The following PPARD variants were observed in gnomAD, a reference collection of about 807,000 sequenced individuals.
The protein encoded by PPARD is peroxisome proliferator-activated receptor delta.
Under a neutral mutation model 39.5 loss-of-function variants are expected in PPARD, and 6 were observed. The ratio of observed to expected loss-of-function variants is 0.15; its 90% CI spans 0.08 to 0.30. The LOEUF is 0.30. Ranked by LOEUF, PPARD falls within the 10% of genes least tolerant of loss-of-function variation. The pLI, the probability that PPARD is intolerant of heterozygous loss-of-function variation, is 1.00. For synonymous variants in PPARD, 210 were observed against 231.3 expected (o/e 0.91, Z 0.83); for missense variants, 397 against 596.8 (o/e 0.67, Z 3.49).
chr6:35,343,247 C>T (rs906359950), intron 1 of PPARD, among the ~76,000 whole-genome samples: 1 of 152,126 alleles, frequency 6.6e-6, no homozygotes, highest in African/African-American at 2.4e-5. Context: ...TATCTGTGGT[C>T]TGATCCCTCC....
intron 2 of PPARD, among the ~76,000 whole-genome samples, chr6:35,360,746 G>A (rs1404004178): frequency 6.6e-6 from 1 of 152,168 alleles, no homozygotes; most frequent in Non-Finnish European, 1.5e-5. Flanking sequence ...ACCAGCAGTG[G>A]CATTATATTT....
At chr6:35,348,760 CATACCAA>C in intron 2 of PPARD, 1 of 985,366 alleles carries the variant, frequency 1.0e-6, no homozygotes, top group Non-Finnish European at 1.2e-6. Context: ...CTTTCAAACC[CATACCAA>C]GTGCTTTCCT....
At chr6:35,384,219 G>A (rs1440488987) in intron 2 of PPARD, among the ~76,000 whole-genome samples, 1 of 137,302 alleles carries the variant, frequency 7.3e-6, no homozygotes, top group Admixed American at 7.0e-5. Context: ...GAGGTGGGGG[G>A]GTCAGCCCCC....
At chr6:35,385,756 C>T (rs1763609641) in intron 2 of PPARD, among the ~76,000 whole-genome samples, 2 of 151,406 alleles carry the variant, frequency 1.3e-5, no homozygotes, top group South Asian at 4.2e-4. Flanking sequence ...AAGGCCCCTG[C>T]GAGGCCTCCG....
At chr6:35,369,588 G>A (rs1762378220) in intron 2 of PPARD, among the ~76,000 whole-genome samples, 1 of 152,114 alleles carries the variant, frequency 6.6e-6, no homozygotes, top group South Asian at 2.1e-4. Flanking sequence ...ATTGGCTTCT[G>A]TCACTGGACA....
intron 2 of PPARD, among the ~76,000 whole-genome samples, chr6:35,395,375 G>A (rs1396319440): frequency 6.6e-6 from 1 of 152,210 alleles, no homozygotes; most frequent in African/African-American, 2.4e-5. Context: ...ATTTCCGTAA[G>A]CACAGGAAGG....
chr6:35,365,780 C>T (rs1045817533), intron 2 of PPARD, among the ~76,000 whole-genome samples: 10 of 151,724 alleles, frequency 6.6e-5, no homozygotes, highest in Admixed American at 5.2e-4. Context: ...CGTGAGTCAC[C>T]ATGCACGGCC....
At chr6:35,397,863 C>T (rs1764440428) in intron 2 of PPARD, among the ~76,000 whole-genome samples, 1 of 152,158 alleles carries the variant, frequency 6.6e-6, no homozygotes, top group South Asian at 2.1e-4. Flanking sequence ...GAAGACCTCA[C>T]TGAGATGGCC....
chr6:35,410,445 G>T (rs774233048), intron 2 of PPARD, among the ~76,000 whole-genome samples: 2 of 152,216 alleles, frequency 1.3e-5, no homozygotes, highest in Non-Finnish European at 2.9e-5. Flanking sequence ...CATGGTTGCA[G>T]ATCTGCTGTC....
rs1762038856 is a variant in PPARD, at chr6:35,363,630, C to T, written c.-102+16480C>T. On this transcript the variant is annotated intron_variant, in intron 2 of 7. Coordinates refer to ENST00000360694, the MANE Select transcript of PPARD (RefSeq NM_006238.5). This position sits in a 1 kb window ranked among gnomAD's most constrained non-coding sequence, Gnocchi z 4.5. ...TGGATCCAGTGAGGCGGGGGCCAGG[C>T]CTTGCCCAAGAGTCAGAAAGTGGGA... Among the ~76,000 whole-genome samples, 1 of 151,900 alleles carries T rather than the reference C, an allele frequency of 6.6e-6. No individual in the cohort carries two copies. The highest frequency in any genetic ancestry group is 1.5e-5 in the Non-Finnish European group (1 of 68,014).
At chr6:35,403,276 A>G (rs1045086372) in intron 2 of PPARD, among the ~76,000 whole-genome samples, 1 of 152,206 alleles carries the variant, frequency 6.6e-6, no homozygotes, top group African/African-American at 2.4e-5. Flanking sequence ...TAGGACCCTT[A>G]CTATCTACCT....
intron 2 of PPARD, among the ~76,000 whole-genome samples, chr6:35,368,242 C>A (rs1025342211): frequency 1.3e-5 from 2 of 152,182 alleles, no homozygotes; most frequent in Admixed American, 1.3e-4. Context: ...TTGCTAGCTT[C>A]CCCCAAGCTT....
At position 35,426,324 on chromosome 6, in the gene PPARD, C is replaced by T; in HGVS notation, c.*245C>T. The T allele has an allele frequency of 1.7e-6, 1 of 573,458 alleles. No homozygotes were observed. Among genetic ancestry groups the T allele is most frequent in the Non-Finnish European group, 3.1e-6 (1 of 324,880 alleles). 35.5% of individuals were successfully genotyped at this position (573,458 alleles called of 1,614,324 possible). ...CTCAGTTCCTCTTTCTTTTCTAATT[C>T]CTGTTGCTCTGTTTCTTCCTTTCTG... On this transcript the variant is annotated 3_prime_UTR_variant, in exon 8 of 8. Coordinates refer to ENST00000360694, the MANE Select transcript of PPARD (RefSeq NM_006238.5).
At chr6:35,343,918 C>G (rs1268675867) in intron 1 of PPARD, among the ~76,000 whole-genome samples, 1 of 152,214 alleles carries the variant, frequency 6.6e-6, no homozygotes, top group East Asian at 1.9e-4. Context: ...AGAGAATTCT[C>G]CAGAAGCTGT....
At chr6:35,377,646 G>A (rs920163417) in intron 2 of PPARD, among the ~76,000 whole-genome samples, 2 of 152,126 alleles carry the variant, frequency 1.3e-5, no homozygotes, top group African/African-American at 2.4e-5. Context: ...GGCAGCGTCC[G>A]GCATGCAGTA....
intron 3 of PPARD, among the ~76,000 whole-genome samples, chr6:35,414,664 A>G (rs2150799192): frequency 6.6e-6 from 1 of 152,242 alleles, no homozygotes; most frequent in Non-Finnish European, 1.5e-5. Flanking sequence ...CAGCCAGGTG[A>G]GAGTCAGTGG....
chr6:35,349,826 C>G (rs6457814), intron 2 of PPARD, among the ~76,000 whole-genome samples: 10,421 of 152,056 alleles, frequency 0.069, 757 homozygotes, highest in African/African-American at 0.19. Flanking sequence ...CCTGTAACCT[C>G]CACCTCCTGG....
intron 2 of PPARD, among the ~76,000 whole-genome samples, chr6:35,353,448 G>A (rs1761381296): frequency 6.6e-6 from 1 of 152,126 alleles, no homozygotes; most frequent in African/African-American, 2.4e-5. Context: ...ATCCATTTAG[G>A]GCTGTTGATG....
chr6:35,351,555 T>C (rs953100031), intron 2 of PPARD, among the ~76,000 whole-genome samples: 6 of 152,122 alleles, frequency 3.9e-5, no homozygotes, highest in African/African-American at 1.4e-4. Flanking sequence ...GTTGGTTCTT[T>C]TGTTTGATTT....
Sources: allele counts gnomAD v4.1 joint callset (sites outside exome capture counted in the v4.1 genomes callset), GRCh38; gene constraint gnomAD v4.1.1; non-coding constraint Gnocchi (gnomAD v3.1); transcripts MANE v1.5; gene names NCBI Gene and HGNC (gene_info 2026-07-23, HGNC 2026-07-21).